Variants in OPCML observed in about 807,000 individuals in gnomAD.
OPCML encodes the protein opioid binding protein/cell adhesion molecule like.
OPCML carries 13 observed loss-of-function variants against 37.8 expected under a neutral mutation model. The observed-to-expected ratio is 0.34, with a 90% CI of 0.22 to 0.55. The LOEUF is 0.55. Ranked by LOEUF, OPCML falls within the 20% of genes least tolerant of loss-of-function variation. OPCML has a pLI of 0.91. For missense variants in OPCML, 341 were observed against 435.6 expected (o/e 0.78, Z 1.93); for synonymous variants, 176 against 168.8 (o/e 1.04, Z -0.33).
At chr11:133,144,260 T>A (rs890278143) in intron 1 of OPCML, among the ~76,000 whole-genome samples, 1 of 152,212 alleles carries the variant, frequency 6.6e-6, no homozygotes, top group African/African-American at 2.4e-5. Flanking sequence ...TTCAGCCCCA[T>A]GCGACCATGG....
intron 2 of OPCML, among the ~76,000 whole-genome samples, chr11:132,867,987 G>A (rs1942641012): frequency 6.6e-6 from 1 of 152,162 alleles, no homozygotes; most frequent in Admixed American, 6.5e-5. Context: ...GGGGCTCCGT[G>A]TTCAAGCCAA....
intron 2 of OPCML, among the ~76,000 whole-genome samples, chr11:132,789,008 T>C (rs866857850): frequency 3.3e-5 from 5 of 152,124 alleles, no homozygotes; most frequent in Non-Finnish European, 7.4e-5. Flanking sequence ...TTCCTTTGTA[T>C]GCTGTGAGCC....
intron 3 of OPCML, among the ~76,000 whole-genome samples, chr11:132,533,273 T>A (rs1444743088): frequency 6.6e-6 from 1 of 152,138 alleles, no homozygotes; most frequent in Non-Finnish European, 1.5e-5. Flanking sequence ...TGCAGAGGGT[T>A]CAATGCACAA....
Position 132,420,193 on chromosome 11 carries a change from T to A in OPCML, c.1017A>T (p.Ter339CysextTer1). 4 of 1,613,796 alleles carry A rather than the reference T, an allele frequency of 2.5e-6. No individual in the cohort carries two copies. Among genetic ancestry groups the A allele is most frequent in the Non-Finnish European group, 1.7e-6 (2 of 1,179,780 alleles). ...TGCTCAGAGGACCTAGGATTTCTTA[T>A]CAAAACTTGATGAAGAAGTGGGCTA... Reference protein sequence around the residue: ...TLLAHFFIKF* With the variant: ...TLLAHFFIKFC Residue 339 changes from the stop codon to cysteine (C), a stop_lost, in exon 8 of 8, where the codon TGA (stop) becomes TGT (cysteine). Coordinates refer to ENST00000524381, the MANE Select transcript of OPCML (RefSeq NM_001012393.5).
At chr11:132,737,854 T>C (rs192400621) in intron 2 of OPCML, among the ~76,000 whole-genome samples, 1 of 152,216 alleles carries the variant, frequency 6.6e-6, no homozygotes, top group Non-Finnish European at 1.5e-5. Context: ...GAAAGAGAGT[T>C]GGGCAACCAG....
At position 132,782,965 on chromosome 11, in the gene OPCML, G is replaced by A. The variant is rs147790894; in HGVS notation, c.147-125646C>T. Among the ~76,000 whole-genome samples the A allele has an allele frequency of 3.1e-5, 4 of 131,056 alleles. No individual in the cohort carries two copies. The East Asian group carries it at 8.3e-4, about 27-fold the overall frequency. 86.0% of individuals were successfully genotyped at this position (131,056 alleles called of 152,430 possible). A position where few individuals can be genotyped will look rare whatever the true frequency, so the allele number is the denominator to read the frequency against. ...TATATATGTATGTATGTATAATCCA[G>A]TTGTATTTTCTTTACTTTCAGAAAG... is the stretch of plus-strand genomic sequence containing the variant. On this transcript the variant is annotated intron_variant, in intron 2 of 7. Coordinates refer to ENST00000524381, the MANE Select transcript of OPCML (RefSeq NM_001012393.5).
chr11:132,837,783 GGGGGAAGGCGGGCA>G (rs1941103309), intron 2 of OPCML, among the ~76,000 whole-genome samples: 1 of 152,114 alleles, frequency 6.6e-6, no homozygotes, highest in South Asian at 2.1e-4. Flanking sequence ...AGGGCATGGC[GGGGGAAGGCGGGCA>G]TCTGAGTGGA....
chr11:133,048,277 C>G (rs1948060967), intron 1 of OPCML, among the ~76,000 whole-genome samples: 1 of 152,096 alleles, frequency 6.6e-6, no homozygotes. Flanking sequence ...AGAGAAGAAA[C>G]TGAGACACAG....
Position 132,657,262 on chromosome 11 carries a change from G to C in OPCML, c.204C>G (p.Leu68=), listed in dbSNP as rs747453885. ...RVAWLNRSTI[L]YAGNDKWSID... is the part of the protein sequence containing the mutation. ...TGGACCACTTGTCATTCCCAGCGTA[G>C]AGGATGGTGCTGCGGTTTAGCCAGG... The change falls in exon 3 of 8, where the codon CTC becomes CTG. Residue 68 remains leucine (L), a synonymous_variant. Transcript: ENST00000524381. 1 of 1,614,260 alleles carries C rather than the reference G, an allele frequency of 6.2e-7. No individual in the cohort carries two copies. The highest frequency in any genetic ancestry group is 1.7e-5 in the Admixed American group (1 of 60,032).
chr11:133,210,495 G>C (rs961843649), intron 1 of OPCML, among the ~76,000 whole-genome samples: 1 of 151,892 alleles, frequency 6.6e-6, no homozygotes, highest in African/African-American at 2.4e-5. Context: ...CAAGGTTTTT[G>C]TTACAAAAAC....
At chr11:132,755,548 C>T (rs942569732) in intron 2 of OPCML, among the ~76,000 whole-genome samples, 1 of 152,070 alleles carries the variant, frequency 6.6e-6, no homozygotes, top group African/African-American at 2.4e-5. Context: ...CAAAGCCATT[C>T]GGGCTATGTT....
At chr11:132,719,057 T>C (rs1591512305) in intron 2 of OPCML, among the ~76,000 whole-genome samples, 3 of 152,122 alleles carry the variant, frequency 2.0e-5, no homozygotes, top group South Asian at 4.1e-4. Context: ...CAAAATACGA[T>C]GCCACAGAAG....
intron 2 of OPCML, among the ~76,000 whole-genome samples, chr11:132,911,404 G>T (rs537528339): frequency 9.3e-4 from 142 of 152,286 alleles, no homozygotes; most frequent in African/African-American, 3.3e-3. Flanking sequence ...AAGGAAGTTG[G>T]AATCTATTAC....
chr11:133,425,234 G>A (rs1021428244), intron 1 of OPCML, among the ~76,000 whole-genome samples: 3 of 152,214 alleles, frequency 2.0e-5, no homozygotes, highest in South Asian at 2.1e-4. Context: ...TGCCTTAAAC[G>A]AGACCCCTCC....
chr11:133,307,243 G>C (rs1045260961), intron 1 of OPCML, among the ~76,000 whole-genome samples: 9 of 151,978 alleles, frequency 5.9e-5, no homozygotes, highest in African/African-American at 1.9e-4. Context: ...CAAAGAGAAG[G>C]AAGTGGCATA....
intron 1 of OPCML, among the ~76,000 whole-genome samples, chr11:133,328,992 A>G (rs966676592): frequency 3.9e-5 from 6 of 152,352 alleles, no homozygotes; most frequent in Non-Finnish European, 7.3e-5. Flanking sequence ...AAGTCTCAGG[A>G]TACAAAATCA....
chr11:132,564,001 G>A (rs537964664), intron 3 of OPCML, among the ~76,000 whole-genome samples: 10 of 152,282 alleles, frequency 6.6e-5, no homozygotes, highest in African/African-American at 2.4e-4. Context: ...GACTCTCAGC[G>A]TTGCATACCT....
At chr11:132,869,674 T>G (rs1159552599) in intron 2 of OPCML, among the ~76,000 whole-genome samples, 1 of 152,246 alleles carries the variant, frequency 6.6e-6, no homozygotes, top group Non-Finnish European at 1.5e-5. Context: ...ATGATCTTAT[T>G]ATGTGGACTG....
chr11:132,944,036 C>CG (rs542218277), intron 1 of OPCML, among the ~76,000 whole-genome samples: 2 of 151,828 alleles, frequency 1.3e-5, no homozygotes, highest in Non-Finnish European at 3.0e-5. Context: ...CTCATCCCGA[C>CG]GGGCGGGCGC....
Sources: allele counts gnomAD v4.1 joint callset (sites outside exome capture counted in the v4.1 genomes callset), GRCh38; gene constraint gnomAD v4.1.1; transcripts MANE v1.5; gene names NCBI Gene and HGNC (gene_info 2026-07-23, HGNC 2026-07-21).